The following VEZT variants were observed in gnomAD, a reference collection of about 807,000 sequenced individuals.
The protein encoded by VEZT is vezatin.
VEZT carries 39 observed loss-of-function variants against 79.9 expected under a neutral mutation model. The ratio of observed to expected loss-of-function variants is 0.49; its 90% confidence interval spans 0.38 to 0.64. The LOEUF is 0.64. Among genes scored for constraint, VEZT ranks in the 30% least tolerant of loss-of-function variants. VEZT has a pLI of 0.00. For missense variants in VEZT, 837 were observed against 893.1 expected (o/e 0.94, Z 0.80); for synonymous variants, 325 against 327.6 (o/e 0.99, Z 0.09).
chr12:95,277,182 T>A (rs2067970953), intron 7 of VEZT, among the ~76,000 whole-genome samples: 1 of 121,084 alleles, frequency 8.3e-6, no homozygotes, highest in South Asian at 2.7e-4. Context: ...AATTTGTAAT[T>A]CCCCTTCTAC....
chr12:95,235,948 G>A (rs1301049056), intron 1 of VEZT, among the ~76,000 whole-genome samples: 4 of 151,836 alleles, frequency 2.6e-5, no homozygotes, highest in Admixed American at 6.5e-5. Context: ...GATGGCGGCC[G>A]GGAAGAGGCG....
Position 95,294,363 on chromosome 12 carries a change from A to C in VEZT, c.1614A>C (p.Pro538=), listed in dbSNP as rs765225872. The C allele has an allele frequency of 7.0e-6, 11 of 1,577,802 alleles. No homozygotes were observed. In the South Asian group the frequency reaches 1.3e-4, roughly 18 times the overall value. ...TLHIADKDPI[P]EEQELEAYVD... The stretch of plus-strand genomic sequence containing the variant: ...ACATTGCAGACAAAGATCCAATCCC[A>C]GAGGAGCAGGTAAGGGTGAAAATTA... Residue 538 remains proline, a synonymous_variant, in exon 10 of 12, where the codon CCA becomes CCC. Coordinates refer to ENST00000436874, the MANE Select transcript of VEZT (RefSeq NM_017599.4).
At chr12:95,231,099 A>G (rs2059216793) in intron 1 of VEZT, among the ~76,000 whole-genome samples, 1 of 152,184 alleles carries the variant, frequency 6.6e-6, no homozygotes, top group Non-Finnish European at 1.5e-5. Context: ...AATGTTTGCT[A>G]TTTATTACAT....
At position 95,266,514 on chromosome 12, in the gene VEZT, A is replaced by G. The variant is rs1347852354; in HGVS notation, c.592A>G (p.Lys198Glu). Residue 198 changes from lysine (K) to glutamate (E), a missense_variant, in exon 5 of 12, where the codon AAA becomes GAA. Coordinates refer to ENST00000436874, the MANE Select transcript of VEZT (RefSeq NM_017599.4). ...WRTAKLQVTL[K>E]KYSVHLEDMA... Reference sequence around the variant, plus strand: ...GACAGCCAAACTACAAGTGACCCTAAAAAAATACAGCGTTCATTTGGAAGA... The same window carrying G: ...GACAGCCAAACTACAAGTGACCCTAGAAAAATACAGCGTTCATTTGGAAGA... The G allele has an allele frequency of 3.7e-6, 6 of 1,613,816 alleles. No individual in the cohort carries two copies. The highest frequency in any genetic ancestry group is 5.1e-6 in the Non-Finnish European group (6 of 1,179,882).
intron 1 of VEZT, among the ~76,000 whole-genome samples, chr12:95,220,604 A>G (rs2057424566): frequency 1.3e-5 from 2 of 151,888 alleles, no homozygotes; most frequent in African/African-American, 4.8e-5. Context: ...TTGTTTAGAC[A>G]CTGTGCATTT....
rs770743829 is a variant in VEZT at position 95,217,863 on chromosome 12, T to G, written c.13T>G (p.Phe5Val). Residue 5 changes from phenylalanine to valine, a missense_variant, in exon 1 of 12, where the codon TTT becomes GTT. By Grantham distance (50) the Phe-to-Val change is conservative (BLOSUM62 -1). Transcript: ENST00000436874. Reference protein sequence around the residue: MTPEFDEEVVFENSP... With the variant: MTPEVDEEVVFENSP... ...ATGGCGGAGAAGGATGACACCGGAG[T>G]TTGACGAAGAGGTGGTTTTTGAGGT... 38 of 1,528,872 alleles carry G rather than the reference T, an allele frequency of 2.5e-5. No individual in the cohort carries two copies. In the South Asian group the frequency reaches 4.7e-4, roughly 19 times the overall value. 94.7% of individuals were successfully genotyped at this position (1,528,872 alleles called of 1,614,324 possible).
At chr12:95,229,584 A>C (rs2058958715) in intron 1 of VEZT, among the ~76,000 whole-genome samples, 1 of 152,328 alleles carries the variant, frequency 6.6e-6, no homozygotes, top group Non-Finnish European at 1.5e-5. Flanking sequence ...AAATGAGAGT[A>C]GGCCCTTAGA....
intron 10 of VEZT, 136 bp from the exon 11 acceptor site, chr12:95,295,915 A>C: frequency 1.6e-6 from 1 of 641,228 alleles, no homozygotes; most frequent in Non-Finnish European, 2.6e-6. Context: ...TTCTTTTCCT[A>C]GCTCTGCTTT....
intron 1 of VEZT, among the ~76,000 whole-genome samples, chr12:95,240,073 G>GAAGGAAGAA (rs1491323550): frequency 1.0e-5 from 1 of 98,902 alleles, no homozygotes; most frequent in Non-Finnish European, 2.3e-5. Flanking sequence ...AGGAAGGAAG[G>GAAGGAAGAA]AAGAAAAGAA....
intron 1 of VEZT, among the ~76,000 whole-genome samples, chr12:95,240,178 C>A (rs566365172): frequency 6.6e-6 from 1 of 152,166 alleles, no homozygotes; most frequent in South Asian, 2.1e-4. Flanking sequence ...GGATTGTGGA[C>A]CTGTAGTATT....
intron 10 of VEZT, among the ~76,000 whole-genome samples, chr12:95,295,510 C>T (rs755519657): frequency 2.6e-5 from 4 of 152,122 alleles, no homozygotes; most frequent in Non-Finnish European, 4.4e-5. Context: ...GATGCAGGTA[C>T]GTCGATTAGA....
At chr12:95,258,177 T>A in intron 3 of VEZT, 1 of 442,614 alleles carries the variant, frequency 2.3e-6, no homozygotes, top group Non-Finnish European at 4.5e-6. Flanking sequence ...GTTTCATCTT[T>A]GTTGAAGGTG....
At chr12:95,274,082 T>C (rs1391127987) in intron 6 of VEZT, among the ~76,000 whole-genome samples, 1 of 152,154 alleles carries the variant, frequency 6.6e-6, no homozygotes, top group African/African-American at 2.4e-5. Flanking sequence ...GTACGCAGAC[T>C]GAGAGGAAAA....
At chr12:95,219,328 C>T (rs2057210565) in intron 1 of VEZT, among the ~76,000 whole-genome samples, 2 of 152,276 alleles carry the variant, frequency 1.3e-5, no homozygotes, top group Middle Eastern at 6.8e-3. Flanking sequence ...TATCCCACCA[C>T]CCAAAGATGG....
chr12:95,223,703 G>A (rs148397550), intron 1 of VEZT, among the ~76,000 whole-genome samples: 11,833 of 152,136 alleles, frequency 0.078, 514 homozygotes, highest in Middle Eastern at 0.12. Context: ...CACCCACCTC[G>A]GCCTACCAAA....
At chr12:95,277,337 T>A (rs1374886495) in intron 7 of VEZT, among the ~76,000 whole-genome samples, 1 of 152,186 alleles carries the variant, frequency 6.6e-6, no homozygotes, top group Admixed American at 6.5e-5. Context: ...CAGAGCCACA[T>A]GGTGAACCAT....
intron 9 of VEZT, among the ~76,000 whole-genome samples, chr12:95,293,440 A>ACCTGGATATGAGACTAAGTAAC (rs2073447399): frequency 6.6e-6 from 1 of 152,242 alleles, no homozygotes; most frequent in African/African-American, 2.4e-5. Flanking sequence ...AATGATAGCC[A>ACCTGGATATGAGACTAAGTAAC]CCTGGATATG....
intron 7 of VEZT, among the ~76,000 whole-genome samples, chr12:95,279,918 C>T (rs1037503419): frequency 6.6e-6 from 1 of 152,152 alleles, no homozygotes; most frequent in African/African-American, 2.4e-5. Context: ...TAAACTGTAC[C>T]AACTTGATTC....
chr12:95,255,986 G>C (rs12368359), intron 2 of VEZT, among the ~76,000 whole-genome samples: 1 of 151,694 alleles, frequency 6.6e-6, no homozygotes, highest in Admixed American at 6.6e-5. Context: ...CCTGGAGTGC[G>C]CCACCATCCC....
Sources: allele counts gnomAD v4.1 joint callset (sites outside exome capture counted in the v4.1 genomes callset), GRCh38; gene constraint gnomAD v4.1.1; transcripts MANE v1.5; gene names NCBI Gene and HGNC (gene_info 2026-07-23, HGNC 2026-07-21).